Variants in PCDHA1 observed in about 807,000 individuals in gnomAD.
PCDHA1 encodes the protein protocadherin alpha-1.
PCDHA1 carries 42 observed loss-of-function variants against 61.3 expected under a neutral mutation model. The ratio of observed to expected loss-of-function variants is 0.69; its 90% CI spans 0.54 to 0.89. The LOEUF is 0.89. PCDHA1 is among the 40% of genes least tolerant of loss of function. The pLI, the probability that PCDHA1 is intolerant of heterozygous loss-of-function variation, is 0.00. For synonymous variants in PCDHA1, 610 were observed against 553.8 expected, an observed-to-expected ratio of 1.10 and a Z score of -1.43; for missense variants, 1,256 against 1,235.3, an observed-to-expected ratio of 1.02 and a Z score of -0.25.
rs1769607526 is a variant in PCDHA1 at position 140,828,202 on chromosome 5, G to T, written c.2394+39518G>T. On this transcript the variant is annotated intron_variant, in intron 1 of 3. Transcript: ENST00000504120. ...GCCAGCTCCACTACTCCGTACCCGA[G>T]GAGGCCAAACACGGCACCTTCGTGG... is the stretch of plus-strand genomic sequence containing the variant. The T allele has an allele frequency of 2.5e-6, 4 of 1,614,084 alleles. No homozygotes were observed. In the African/African-American group the frequency reaches 4.0e-5, roughly 16 times the overall value.
At position 140,787,420 on chromosome 5, in the gene PCDHA1, G is replaced by A. The variant is rs1761370120; in HGVS notation, c.1130G>A (p.Arg377His). Reference protein sequence around the residue: ...TVIALITVSDRDSGANGQVTC... With the variant: ...TVIALITVSDHDSGANGQVTC... The stretch of plus-strand genomic sequence containing the variant: ...ATCGCCCTCATCACCGTGTCTGACC[G>A]TGACTCAGGTGCCAACGGGCAGGTG... Residue 377 changes from arginine to histidine, a missense_variant, in exon 1 of 4, where the codon CGT (arginine) becomes CAT (histidine). Transcript: ENST00000504120. 1 of 1,614,236 alleles carries A rather than the reference G, an allele frequency of 6.2e-7. No homozygotes were observed. Among genetic ancestry groups the A allele is most frequent in the Admixed American group, 1.7e-5 (1 of 60,026 alleles).
chr5:140,808,730 G>C lies in PCDHA1; in HGVS notation c.2394+20046G>C, dbSNP rs1554124735. The C allele has an allele frequency of 8.1e-6, 13 of 1,612,052 alleles. No individual in the cohort carries two copies. The highest frequency in any genetic ancestry group is 6.7e-5 in the Admixed American group (4 of 60,000). On this transcript the variant is annotated intron_variant, in intron 1 of 3. Transcript: ENST00000504120. The stretch of plus-strand genomic sequence containing the variant: ...CTACGTTTCGGTGCATGCGGAGAGC[G>C]GCAAGGTGTACGCGCTGCAGCCGCT...
At chr5:140,917,334 G>T (rs1466426021) in intron 1 of PCDHA1, among the ~76,000 whole-genome samples, 7 of 147,628 alleles carry the variant, frequency 4.7e-5, no homozygotes, top group Admixed American at 4.1e-4. Context: ...CGGGGGAGGG[G>T]GGGGATGGTG....
At chr5:140,986,393 C>T (rs1554248003) in intron 3 of PCDHA1, among the ~76,000 whole-genome samples, 1 of 152,148 alleles carries the variant, frequency 6.6e-6, no homozygotes, top group Non-Finnish European at 1.5e-5. Context: ...ATTAAAGGGC[C>T]AGTCGCTCAT....
chr5:140,802,634 G>A (rs1479388882), intron 1 of PCDHA1: 2 of 1,613,736 alleles, frequency 1.2e-6, no homozygotes, highest in Non-Finnish European at 1.7e-6. Context: ...CGGTGTCTGC[G>A]CGGGACGCGG....
chr5:140,787,679 C>T lies in PCDHA1; in HGVS notation c.1389C>T (p.Phe463=). 1.2e-6 allele frequency: 2 copies of T among 1,613,822 alleles called. No homozygotes were observed. Among genetic ancestry groups the T allele is most frequent in the Non-Finnish European group, 1.7e-6 (2 of 1,179,918 alleles). Residue 463 remains phenylalanine, a synonymous_variant, in exon 1 of 4, where the codon TTC becomes TTT. Coordinates refer to ENST00000504120, the MANE Select transcript of PCDHA1 (RefSeq NM_018900.4). ...TCGCGCAGCCCGAGTACACAGTATTCGTGAAGGAGAACAACCCGCCGGGCT... is the reference window on the plus strand; with the variant it reads ...TCGCGCAGCCCGAGTACACAGTATTTGTGAAGGAGAACAACCCGCCGGGCT... The part of the protein sequence containing the change: ...PAFAQPEYTV[F]VKENNPPGCH...
intron 3 of PCDHA1, among the ~76,000 whole-genome samples, chr5:140,989,192 C>A (rs1458235302): frequency 6.6e-6 from 1 of 152,192 alleles, no homozygotes; most frequent in African/African-American, 2.4e-5. Context: ...GAATTACCCT[C>A]CCTTCTAGCT....
intron 1 of PCDHA1, chr5:140,795,890 A>G (rs1156745166): frequency 1.2e-6 from 2 of 1,614,060 alleles, no homozygotes; most frequent in Admixed American, 1.7e-5. Context: ...GGAAAATTAG[A>G]TTATGAAGAA....
At chr5:140,828,743 G>A (rs1159793730) in intron 1 of PCDHA1, 3 of 1,614,118 alleles carry the variant, frequency 1.9e-6, no homozygotes, top group African/African-American at 2.7e-5. Flanking sequence ...CACAGATGGG[G>A]GCAAACCTGA....
chr5:140,796,391 C>T (rs1581619871), intron 1 of PCDHA1: 7 of 1,613,720 alleles, frequency 4.3e-6, no homozygotes, highest in African/African-American at 1.3e-5. Context: ...CACATCTTCA[C>T]GGTGTCAGCG....
chr5:140,803,832 G>A, intron 1 of PCDHA1: 1 of 621,098 alleles, frequency 1.6e-6, no homozygotes, highest in African/African-American at 1.8e-5. Flanking sequence ...TGCAGTAGTA[G>A]AATTATTTTA....
At chr5:140,973,959 G>A (rs782474164) in intron 1 of PCDHA1, among the ~76,000 whole-genome samples, 2 of 152,198 alleles carry the variant, frequency 1.3e-5, no homozygotes, top group Admixed American at 6.5e-5. Flanking sequence ...TTTTACAGGT[G>A]TCTTTAAATG....
In PCDHA1 at chr5:140,876,678, G is replaced by C. The variant is rs782561315; in HGVS notation, c.2394+87994G>C. ...CCTTCAAGCTGGTGTCCACCTACAA[G>C]AATTACTACTCGTTGGTGCTGGACA... On this transcript the variant is annotated intron_variant, in intron 1 of 3. Coordinates refer to ENST00000504120, the MANE Select transcript of PCDHA1 (RefSeq NM_018900.4). The C allele has an allele frequency of 1.9e-6, 3 of 1,614,100 alleles. No individual in the cohort carries two copies. In the East Asian group the frequency reaches 6.7e-5, roughly 36 times the overall value.
intron 1 of PCDHA1, chr5:140,824,024 C>A (rs2150131645): frequency 6.2e-7 from 1 of 1,614,004 alleles, no homozygotes; most frequent in East Asian, 2.2e-5. Context: ...TGGTCGTACT[C>A]GCAGCAGAGG....
At chr5:140,962,817 G>C (rs555403742) in intron 1 of PCDHA1, among the ~76,000 whole-genome samples, 1 of 152,202 alleles carries the variant, frequency 6.6e-6, no homozygotes, top group Non-Finnish European at 1.5e-5. Flanking sequence ...CATCAGAGAT[G>C]ACCATTTGTC....
intron 3 of PCDHA1, among the ~76,000 whole-genome samples, chr5:140,998,936 A>G (rs1328813980): frequency 6.6e-5 from 10 of 152,246 alleles, no homozygotes; most frequent in African/African-American, 2.4e-4. Flanking sequence ...TTACAGATGA[A>G]GAAACTGTAA....
intron 1 of PCDHA1, chr5:140,823,251 G>T (rs2150123936): frequency 6.2e-7 from 1 of 1,613,318 alleles, no homozygotes; most frequent in East Asian, 2.2e-5. Flanking sequence ...TGTCCTACTC[G>T]CTGGTGGAGC....
rs372349337 is a variant in PCDHA1, at chr5:140,882,421, C to A, written c.2394+93737C>A. On this transcript the variant is annotated intron_variant, in intron 1 of 3. Transcript: ENST00000504120. ...CCTTCGTGGGCCGCATCGCTCAGGA[C>A]CTGGGGCTGGAGCTGGCGGAGCTGG... is the stretch of plus-strand genomic sequence containing the variant. 5.0e-6 allele frequency: 8 copies of A among 1,613,986 alleles called. No homozygotes were observed. The African/African-American group carries it at 8.0e-5, about 16-fold the overall frequency.
chr5:140,836,384 GTC>G (rs2150259463), intron 1 of PCDHA1: 11 of 1,613,636 alleles, frequency 6.8e-6, no homozygotes, highest in Non-Finnish European at 9.3e-6. Flanking sequence ...CCGTGCTGGT[GTC>G]GCTGGTGGAA....
Sources: allele counts gnomAD v4.1 joint callset (sites outside exome capture counted in the v4.1 genomes callset), GRCh38; gene constraint gnomAD v4.1.1; transcripts MANE v1.5; gene names NCBI Gene and HGNC (gene_info 2026-07-23, HGNC 2026-07-21).